Variants in FBXL2 observed in about 807,000 individuals in gnomAD.
FBXL2 encodes F-box and leucine rich repeat protein 2, also known as F-box/LRR-repeat protein 2.
A neutral mutation model predicts 69.2 loss-of-function variants in FBXL2; 38 were observed. The observed-to-expected ratio is 0.55, with a 90% CI of 0.42 to 0.72. FBXL2 has a LOEUF of 0.72. Among genes scored for constraint, FBXL2 ranks in the 30% least tolerant of loss-of-function variants. The pLI is 0.00. For missense variants in FBXL2, 354 were observed against 520.3 expected, an observed-to-expected ratio of 0.68 and a Z score of 3.11; for synonymous variants, 192 against 201.3, an observed-to-expected ratio of 0.95 and a Z score of 0.39.
chr3:33,373,545 C>A (rs755487225), intron 7 of FBXL2, 33 bp from the exon 8 acceptor site: 1 of 1,614,004 alleles, frequency 6.2e-7, no homozygotes, highest in South Asian at 1.1e-5. Context: ...ACAGGAGAGA[C>A]TGCACATAAG....
intron 1 of FBXL2, 78 bp downstream of exon 1, chr3:33,277,593 G>C (rs973592398): frequency 8.1e-7 from 1 of 1,234,062 alleles, no homozygotes; most frequent in African/African-American, 1.6e-5. Context: ...CCGCCCGCTA[G>C]GGTCGGGCAG....
downstream of FBXL2, chr3:33,391,298 C>T (rs776935692): frequency 3.9e-5 from 6 of 152,248 alleles, no homozygotes; most frequent in Non-Finnish European, 7.3e-5. Context: ...CTTAGCTCAC[C>T]TGACTTTTAA....
At chr3:33,313,253 C>CT (rs879548029) in intron 2 of FBXL2, among the ~76,000 whole-genome samples, 100 of 145,956 alleles carry the variant, frequency 6.9e-4, no homozygotes, top group Middle Eastern at 3.5e-3. Flanking sequence ...CTAAAGAATT[C>CT]TTTTTTTTTT....
chr3:33,380,556 A>G (rs777592618), intron 13 of FBXL2, among the ~76,000 whole-genome samples: 1 of 53,552 alleles, frequency 1.9e-5, no homozygotes, highest in Non-Finnish European at 3.1e-5. Flanking sequence ...AAAACTCCAT[A>G]AAAAAAAAAA....
the FBXL2 span, among the ~76,000 whole-genome samples, chr3:33,420,041 T>C: frequency 2.0e-5 from 3 of 152,204 alleles, no homozygotes; most frequent in East Asian, 1.9e-4. Context: ...CCACCCACCT[T>C]TGAAGACACA....
chr3:33,362,491 CCT>C (rs10531153), intron 4 of FBXL2, among the ~76,000 whole-genome samples: 12,285 of 152,162 alleles, frequency 0.081, 549 homozygotes, highest in Admixed American at 0.098. Flanking sequence ...GCATTTTCCC[CCT>C]CTTAGTTGGA....
chr3:33,391,350 A>G (rs2043755867), downstream of FBXL2: 1 of 152,186 alleles, frequency 6.6e-6, no homozygotes, highest in South Asian at 2.1e-4. Flanking sequence ...ATAATTTTAC[A>G]TTTAGGAATC....
chr3:33,418,818 C>T, the FBXL2 span, among the ~76,000 whole-genome samples: 57 of 147,260 alleles, frequency 3.9e-4, no homozygotes, highest in Middle Eastern at 3.5e-3. Context: ...GAGATTGCAC[C>T]GCTGCACTAC....
intron 13 of FBXL2, among the ~76,000 whole-genome samples, chr3:33,379,136 G>C (rs373884550): frequency 2.6e-5 from 4 of 151,930 alleles, no homozygotes; most frequent in African/African-American, 9.7e-5. Flanking sequence ...CCTTGCGGGG[G>C]GATTACAAAC....
rs570332033 is a variant in FBXL2, at chr3:33,294,237, T to C, written c.4-3427T>C. On this transcript the variant is annotated intron_variant, in intron 1 of 14. Transcript: ENST00000484457. ...TTAGCCTCCTGGATAGCTGGGATCATAGGGACATGCCACCATGCCCTGCTG... is the reference window on the plus strand; with the variant it reads ...TTAGCCTCCTGGATAGCTGGGATCACAGGGACATGCCACCATGCCCTGCTG... Among the ~76,000 whole-genome samples the C allele has an allele frequency of 2.6e-5, 4 of 152,098 alleles. No homozygotes were observed. The South Asian group carries it at 6.2e-4, about 24-fold the overall frequency.
downstream of FBXL2, chr3:33,390,789 T>G (rs2043732161): frequency 6.0e-6 from 1 of 165,886 alleles, no homozygotes; most frequent in South Asian, 1.9e-4. Flanking sequence ...TCTGAGCTAC[T>G]CACAGAGATT....
At chr3:33,379,669 C>A (rs1397598848) in intron 13 of FBXL2, among the ~76,000 whole-genome samples, 2 of 144,446 alleles carry the variant, frequency 1.4e-5, no homozygotes, top group South Asian at 2.3e-4. Context: ...CAAAACCAAA[C>A]AAAAATTGTA....
intron 5 of FBXL2, among the ~76,000 whole-genome samples, chr3:33,369,009 C>T (rs1002215099): frequency 2.0e-5 from 3 of 151,696 alleles, no homozygotes; most frequent in Admixed American, 6.6e-5. Flanking sequence ...TTCTATTTGT[C>T]CCATACATCC....
downstream of FBXL2, chr3:33,392,830 A>C (rs183594357): frequency 5.0e-4 from 235 of 468,452 alleles, 1 homozygote; most frequent in African/African-American, 4.6e-3. Context: ...AGACCTGGTC[A>C]GTCACCCATG....
At chr3:33,314,845 T>A (rs1049585109) in intron 2 of FBXL2, among the ~76,000 whole-genome samples, 1 of 152,234 alleles carries the variant, frequency 6.6e-6, no homozygotes, top group African/African-American at 2.4e-5. Flanking sequence ...AACTTGAATT[T>A]TATTATTGGT....
In FBXL2 at chr3:33,277,458, G is replaced by A; in HGVS notation, c.-55G>A. On this transcript the variant is annotated 5_prime_UTR_variant, in exon 1 of 15. Transcript: ENST00000484457. ...CTGGCTGGCGTCACCAGGACAACGG[G>A]CGTCGCCGGCGCCGTGTGACTTCGG... 1 of 1,265,352 alleles carries A rather than the reference G, an allele frequency of 7.9e-7. No homozygotes were observed. Among genetic ancestry groups the A allele is most frequent in the Non-Finnish European group, 1.0e-6 (1 of 999,018 alleles). The allele number at this position is 1,265,352 out of a possible 1,614,324, so 78.4% of individuals were successfully genotyped here.
rs750743927 is a variant in FBXL2, at chr3:33,396,134, A to G, written n.1215-7100A>G. On this transcript the variant is annotated intron_variant and non_coding_transcript_variant, in intron 12 of 12. Coordinates refer to the FBXL2 transcript ENST00000463736. ...TTTCTGTCTGACAGTCTCAGAAGTG[A>G]CAGAATTGAGATGCCCTCAATACCT... 8.6e-6 allele frequency: 13 copies of G among 1,519,794 alleles called. No individual in the cohort carries two copies. In the South Asian group the frequency reaches 1.6e-4, roughly 19 times the overall value. 94.1% of individuals were successfully genotyped at this position (1,519,794 alleles called of 1,614,324 possible).
upstream of FBXL2, chr3:33,277,368 G>C (rs375359544): frequency 1.8e-5 from 16 of 865,268 alleles, no homozygotes; most frequent in Non-Finnish European, 2.3e-5. Context: ...CCGCCCCTGC[G>C]GGTCACGTGC....
At chr3:33,395,727 C>T (rs1367036430) in intron 12 of FBXL2, among the ~76,000 whole-genome samples, 2 of 142,160 alleles carry the variant, frequency 1.4e-5, no homozygotes, top group African/African-American at 5.3e-5. Flanking sequence ...TAAGAGTTCT[C>T]CCCATACCTA....
Sources: gnomAD v4.1 joint callset for allele counts (sites outside exome capture counted in the v4.1 genomes callset) on GRCh38, gnomAD v4.1.1 for gene constraint, MANE v1.5 for transcripts, NCBI Gene and HGNC (gene_info 2026-07-23, HGNC 2026-07-21) for gene names.